The following CEP290 variants were observed in gnomAD, a reference collection of about 807,000 sequenced individuals.
CEP290 encodes the protein centrosomal protein of 290 kDa.
In CEP290, 317 loss-of-function variants were observed where a neutral mutation model predicts 344.9. That is an observed-to-expected ratio of 0.92 (90% CI 0.84 to 1.01). CEP290 has a LOEUF of 1.01. Among genes scored for constraint, CEP290 ranks in the 50% least tolerant of loss-of-function variants. The pLI, the probability that CEP290 is intolerant of heterozygous loss-of-function variation, is 0.00. For synonymous variants in CEP290, 932 were observed against 895.8 expected (o/e 1.04, Z -0.72); for missense variants, 2,754 against 2,761.4 (o/e 1.00, Z 0.06).
chr12:88,074,427 A>C (rs532444830), intron 41 of CEP290, among the ~76,000 whole-genome samples: 1 of 152,310 alleles, frequency 6.6e-6, no homozygotes, highest in South Asian at 2.1e-4. Context: ...TTGCTAAATT[A>C]AGATTAAGGG....
At chr12:88,064,171 A>G in intron 44 of CEP290, 56 bp from the exon 45 acceptor site, 1 of 1,392,818 alleles carries the variant, frequency 7.2e-7, no homozygotes, top group Non-Finnish European at 9.7e-7. Context: ...AAAGCCATAA[A>G]AGACATACTG....
In CEP290 at chr12:88,136,231, G is replaced by A. The variant is rs116006579; in HGVS notation, c.441+412C>T. 383 of 167,434 alleles carry A rather than the reference G, an allele frequency of 2.3e-3. 3 individuals carry two copies. Among genetic ancestry groups the A allele is most frequent in the African/African-American group, 8.9e-3 (368 of 41,520 alleles). 10.4% of individuals were successfully genotyped at this position (167,434 alleles called of 1,614,324 possible). ...TTAATTAACCATTATTGAATATATC[G>A]AAAGATTCATTTGCGAATCTACTAA... On this transcript the variant is annotated intron_variant, in intron 6 of 53. Coordinates refer to ENST00000552810, the MANE Select transcript of CEP290 (RefSeq NM_025114.4).
intron 15 of CEP290, among the ~76,000 whole-genome samples, chr12:88,119,700 G>C (rs2039285945): frequency 6.6e-6 from 1 of 152,122 alleles, no homozygotes; most frequent in Non-Finnish European, 1.5e-5. Context: ...TCAGGAGGCA[G>C]AGGCAGGAGA....
At chr12:88,130,992 C>T (rs1341189056) in intron 7 of CEP290, among the ~76,000 whole-genome samples, 173 bp downstream of exon 7, 1 of 152,074 alleles carries the variant, frequency 6.6e-6, no homozygotes, top group Non-Finnish European at 1.5e-5. Flanking sequence ...AATGGCCTCA[C>T]ATTTTGCTTT....
chr12:88,084,473 A>C, intron 35 of CEP290, 113 bp downstream of exon 35: 1 of 996,596 alleles, frequency 1.0e-6, no homozygotes, highest in Non-Finnish European at 1.5e-6. Context: ...ACAATTCTTA[A>C]ATAGAATCAT....
chr12:88,058,719 G>T, intron 49 of CEP290, 129 bp downstream of exon 49: 2 of 904,520 alleles, frequency 2.2e-6, no homozygotes, highest in Non-Finnish European at 3.3e-6. Flanking sequence ...AAAGTATTAT[G>T]TTAAAACAAC....
intron 41 of CEP290, among the ~76,000 whole-genome samples, chr12:88,076,242 G>A (rs937942530): frequency 7.2e-5 from 11 of 152,058 alleles, no homozygotes; most frequent in African/African-American, 2.7e-4. Flanking sequence ...GTGACTCCAC[G>A]CAAATAGTGT....
At chr12:88,104,750 G>A (rs1271034827) in intron 25 of CEP290, among the ~76,000 whole-genome samples, 2 of 151,962 alleles carry the variant, frequency 1.3e-5, no homozygotes. Flanking sequence ...TTTAAACTAT[G>A]TTTGGCAGCA....
At chr12:88,095,933 T>C (rs1035202622) in intron 27 of CEP290, among the ~76,000 whole-genome samples, 3 of 152,196 alleles carry the variant, frequency 2.0e-5, no homozygotes, top group African/African-American at 2.4e-5. Context: ...TAGATATACA[T>C]GAAAATGTTC....
intron 52 of CEP290, among the ~76,000 whole-genome samples, chr12:88,051,502 T>A (rs1451652025): frequency 6.6e-6 from 1 of 152,158 alleles, no homozygotes; most frequent in Admixed American, 6.6e-5. Flanking sequence ...GTACTGGGCT[T>A]GGTATAAATA....
intron 25 of CEP290, among the ~76,000 whole-genome samples, chr12:88,105,239 A>T (rs1484649188): frequency 6.6e-6 from 1 of 152,238 alleles, no homozygotes; most frequent in Non-Finnish European, 1.5e-5. Flanking sequence ...TCAAGACAAT[A>T]TAAGAGTCAA....
At chr12:88,085,937 A>G in intron 34 of CEP290, 102 bp downstream of exon 34, 2 of 1,047,730 alleles carry the variant, frequency 1.9e-6, no homozygotes, top group South Asian at 1.9e-5. Context: ...TTAGCAATAG[A>G]TTCATCATTC....
Position 88,095,108 on chromosome 12 carries a change from T to A in CEP290, c.3104-1133A>T, listed in dbSNP as rs566088108. ...ATTATGGAATAAAGACTCATTCAAGTAACCTTAGGCACCATGTAGAAAAAT... is the reference window on the plus strand; with the variant it reads ...ATTATGGAATAAAGACTCATTCAAGAAACCTTAGGCACCATGTAGAAAAAT... On this transcript the variant is annotated intron_variant, in intron 27 of 53. Transcript: ENST00000552810. Among the ~76,000 whole-genome samples the A allele has an allele frequency of 1.1e-4, 17 of 152,246 alleles. No homozygotes were observed. The East Asian group carries it at 2.7e-3, about 24-fold the overall frequency.
intron 28 of CEP290, 92 bp downstream of exon 28, chr12:88,093,678 G>T: frequency 1.1e-6 from 1 of 874,388 alleles, no homozygotes; most frequent in Non-Finnish European, 1.8e-6. Flanking sequence ...AGATATTTCA[G>T]AGATCCAGAC....
At chr12:88,076,406 A>G (rs2035775773) in intron 41 of CEP290, among the ~76,000 whole-genome samples, 1 of 152,152 alleles carries the variant, frequency 6.6e-6, no homozygotes, top group Admixed American at 6.6e-5. Context: ...ATTATTTTAT[A>G]GACATTAAAT....
At chr12:88,107,887 GC>G (rs1264188805) in intron 23 of CEP290, among the ~76,000 whole-genome samples, 1 of 150,172 alleles carries the variant, frequency 6.7e-6, no homozygotes, top group Non-Finnish European at 1.5e-5. Flanking sequence ...GGGTGACAGA[GC>G]AAGACTCTGT....
At chr12:88,054,667 G>C in intron 50 of CEP290, among the ~76,000 whole-genome samples, 1 of 152,168 alleles carries the variant, frequency 6.6e-6, no homozygotes, top group South Asian at 2.1e-4. Flanking sequence ...TCCTTGTTTA[G>C]TGGGGAAGCA....
intron 25 of CEP290, chr12:88,103,466 T>G (rs1379321283): frequency 6.5e-6 from 1 of 152,772 alleles, no homozygotes; most frequent in Non-Finnish European, 1.5e-5. Context: ...AAGAAAACTT[T>G]TTGTACACAT....
At position 88,090,894 on chromosome 12, in the gene CEP290, C is replaced by T. The variant is rs959146837; in HGVS notation, c.3462-55G>A. The T allele has an allele frequency of 5.4e-6, 6 of 1,102,012 alleles. No individual in the cohort carries two copies. The African/African-American group carries it at 6.5e-5, about 12-fold the overall frequency. The allele number at this position is 1,102,012 out of a possible 1,614,324, so 68.3% of individuals were successfully genotyped here. A position where few individuals can be genotyped will look rare whatever the true frequency, so the allele number is the denominator to read the frequency against. On this transcript the variant is annotated intron_variant, in intron 29 of 53. Coordinates refer to ENST00000552810, the MANE Select transcript of CEP290 (RefSeq NM_025114.4). ...ATTAAGTACACTTTCTAAGTAAATG[C>T]CAAAATTCAAAATTTCTAGACCCTT...
Sources: gnomAD v4.1 joint callset for allele counts (sites outside exome capture counted in the v4.1 genomes callset) on GRCh38, gnomAD v4.1.1 for gene constraint, MANE v1.5 for transcripts, NCBI Gene and HGNC (gene_info 2026-07-23, HGNC 2026-07-21) for gene names.